Variants in CC2D2B observed in about 807,000 individuals in gnomAD.
CC2D2B encodes the protein coiled-coil and C2 domain containing 2B.
A neutral mutation model predicts 161.2 loss-of-function variants in CC2D2B; 128 were observed. That is an observed-to-expected ratio of 0.79 (90% confidence interval 0.69 to 0.92). CC2D2B has a LOEUF of 0.92. Among genes scored for constraint, CC2D2B ranks in the 40% least tolerant of loss-of-function variants. The pLI, the probability that CC2D2B is intolerant of heterozygous loss-of-function variation, is 0.00. For synonymous variants in CC2D2B, 391 were observed against 449.8 expected (o/e 0.87, Z 1.65); for missense variants, 1,173 against 1,375.1 (o/e 0.85, Z 2.32).
chr10:95,914,361 T>C (rs1017790730), intron 2 of CC2D2B, among the ~76,000 whole-genome samples: 5 of 152,138 alleles, frequency 3.3e-5, no homozygotes, highest in African/African-American at 9.7e-5. Flanking sequence ...GCCAGTGCCA[T>C]GCTATTTTGT....
chr10:95,998,651 G>T (rs992019557), intron 24 of CC2D2B, among the ~76,000 whole-genome samples: 2 of 152,118 alleles, frequency 1.3e-5, no homozygotes, highest in South Asian at 4.2e-4. Context: ...GGAGACTTGG[G>T]AAAGAGTTGC....
chr10:95,928,411 T>C (rs913347067), intron 6 of CC2D2B, among the ~76,000 whole-genome samples: 1 of 152,092 alleles, frequency 6.6e-6, no homozygotes, highest in South Asian at 2.1e-4. Context: ...CACACACACG[T>C]TTTTATTACT....
At chr10:96,015,711 G>A (rs188381649) in intron 29 of CC2D2B, among the ~76,000 whole-genome samples, 1 of 152,196 alleles carries the variant, frequency 6.6e-6, no homozygotes, top group Non-Finnish European at 1.5e-5. Flanking sequence ...AGACGTTTCA[G>A]TCACTTTTCC....
intron 20 of CC2D2B, among the ~76,000 whole-genome samples, chr10:95,990,117 A>G (rs1396452909): frequency 1.3e-5 from 2 of 152,214 alleles, no homozygotes; most frequent in Non-Finnish European, 2.9e-5. Context: ...TATTCAAGAA[A>G]TATTTATTGA....
At position 96,019,443 on chromosome 10, in the gene CC2D2B, C is replaced by A. The variant is rs532638026; in HGVS notation, c.3765+106C>A. Reference sequence around the variant, plus strand: ...TTAAATATAGATAGTCTATCAGATTCCCTAGGGCATGGGGCCGGGGCAATC... The same window carrying A: ...TTAAATATAGATAGTCTATCAGATTACCTAGGGCATGGGGCCGGGGCAATC... On this transcript the variant is annotated intron_variant, in intron 31 of 34. Transcript: ENST00000646931. 4.2e-4 allele frequency: 485 copies of A among 1,165,612 alleles called. 6 individuals carry two copies. The South Asian group carries it at 7.1e-3, about 17-fold the overall frequency. The allele number at this position is 1,165,612 out of a possible 1,614,324, so 72.2% of individuals were successfully genotyped here. A position where few individuals can be genotyped will look rare whatever the true frequency, so the allele number is the denominator to read the frequency against.
rs941403674 is a variant in CC2D2B, at chr10:95,962,069, A to G, written c.1250+100A>G. Reference sequence around the variant, plus strand: ...TAGGAAGACATCCAGAAGCTAGGCAACTATTCCATGTAGTCAACAAAGAAT... The same window carrying G: ...TAGGAAGACATCCAGAAGCTAGGCAGCTATTCCATGTAGTCAACAAAGAAT... On this transcript the variant is annotated intron_variant, in intron 12 of 34. Coordinates refer to ENST00000646931, the MANE Select transcript of CC2D2B (RefSeq NM_001349008.3). 12 of 720,166 alleles carry G rather than the reference A, an allele frequency of 1.7e-5. No individual in the cohort carries two copies. In the Admixed American group the frequency reaches 4.8e-4, roughly 29 times the overall value. 44.6% of individuals were successfully genotyped at this position (720,166 alleles called of 1,614,324 possible).
intron 17 of CC2D2B, among the ~76,000 whole-genome samples, chr10:95,978,882 A>G (rs1260286679): frequency 6.6e-6 from 1 of 152,002 alleles, no homozygotes; most frequent in Non-Finnish European, 1.5e-5. Context: ...TCTCTTTCAT[A>G]TCTACATTTT....
intron 28 of CC2D2B, among the ~76,000 whole-genome samples, chr10:96,013,523 TA>T (rs2079076874): frequency 6.6e-6 from 1 of 151,372 alleles, no homozygotes; most frequent in African/African-American, 2.4e-5. Context: ...TAAATATAAA[TA>T]AAATATAATG....
rs1333140559 is a variant in CC2D2B, at chr10:95,953,109, G to T, written c.1012-2285G>T. ...AAAGAATATATATATTTTTCTAGAT[G>T]TAAGTCCATAAAAGAAGTATGTCTT... On this transcript the variant is annotated intron_variant, in intron 10 of 34. Transcript: ENST00000646931. Among the ~76,000 whole-genome samples, 4 of 152,026 alleles carry T rather than the reference G, an allele frequency of 2.6e-5. 1 individual carries two copies. The highest frequency in any genetic ancestry group is 1.3e-4 in the Admixed American group (2 of 15,260).
At chr10:95,981,881 A>G (rs2077544724) in intron 17 of CC2D2B, 94 bp from the exon 18 acceptor site, 1 of 608,370 alleles carries the variant, frequency 1.6e-6, no homozygotes, top group Non-Finnish European at 2.4e-6. Context: ...AATACCCAGA[A>G]TGGGTATGTT....
At chr10:95,962,712 G>A (rs867281633) in intron 12 of CC2D2B, among the ~76,000 whole-genome samples, 13 of 151,242 alleles carry the variant, frequency 8.6e-5, no homozygotes, top group African/African-American at 2.9e-4. Flanking sequence ...TATAATTTCA[G>A]GCAAATAAGA....
intron 28 of CC2D2B, among the ~76,000 whole-genome samples, chr10:96,013,138 A>C (rs1243329511): frequency 6.6e-6 from 1 of 152,208 alleles, no homozygotes; most frequent in Non-Finnish European, 1.5e-5. Flanking sequence ...AATGGCACAT[A>C]AATGGCAGCT....
chr10:95,913,333 T>C, intron 2 of CC2D2B: 2 of 332,502 alleles, frequency 6.0e-6, no homozygotes, highest in Non-Finnish European at 1.2e-5. Flanking sequence ...ATTGCATATA[T>C]ATATATACCA....
chr10:95,922,093 C>G lies in CC2D2B; in HGVS notation c.97+17C>G. 1.5e-6 allele frequency: 2 copies of G among 1,329,506 alleles called. No homozygotes were observed. Among genetic ancestry groups the G allele is most frequent in the Non-Finnish European group, 2.1e-6 (2 of 952,416 alleles). The allele number at this position is 1,329,506 out of a possible 1,614,324, so 82.4% of individuals were successfully genotyped here. The stretch of plus-strand genomic sequence containing the variant: ...TCCAAAAAGGTTCTCAATAAGTATA[C>G]CATAACTCTGATACTCTTCATTTTT... On this transcript the variant is annotated intron_variant, in intron 3 of 34. Coordinates refer to ENST00000646931, the MANE Select transcript of CC2D2B (RefSeq NM_001349008.3).
intron 4 of CC2D2B, 52 bp from the exon 5 acceptor site, chr10:95,924,727 A>T: frequency 8.2e-7 from 1 of 1,225,446 alleles, no homozygotes; most frequent in Non-Finnish European, 1.2e-6. Context: ...CAAAAGACTT[A>T]TGAGCACAAT....
At chr10:95,995,203 C>T in intron 22 of CC2D2B, 66 bp from the exon 23 acceptor site, 1 of 857,608 alleles carries the variant, frequency 1.2e-6, no homozygotes, top group Non-Finnish European at 1.7e-6. Context: ...AAAAACCCAC[C>T]CACTCCTACC....
At chr10:95,916,781 T>G (rs2098517155) in intron 2 of CC2D2B, among the ~76,000 whole-genome samples, 1 of 152,220 alleles carries the variant, frequency 6.6e-6, no homozygotes, top group South Asian at 2.1e-4. Flanking sequence ...AGTTTTTGAA[T>G]TTTTAAAGAT....
At chr10:95,925,242 G>A (rs1033984774) in intron 5 of CC2D2B, among the ~76,000 whole-genome samples, 8 of 152,136 alleles carry the variant, frequency 5.3e-5, no homozygotes, top group East Asian at 1.9e-4. Flanking sequence ...CGGTGCATGC[G>A]GAAGCAAGGC....
At chr10:95,999,325 A>T (rs1404567275) in intron 24 of CC2D2B, among the ~76,000 whole-genome samples, 1 of 152,090 alleles carries the variant, frequency 6.6e-6, no homozygotes, top group Non-Finnish European at 1.5e-5. Flanking sequence ...ACCCCTGCAT[A>T]ATATTCTATT....
Sources: allele counts gnomAD v4.1 joint callset (sites outside exome capture counted in the v4.1 genomes callset), GRCh38; gene constraint gnomAD v4.1.1; transcripts MANE v1.5; gene names NCBI Gene and HGNC (gene_info 2026-07-23, HGNC 2026-07-21).